The following LHFPL2 variants were observed in gnomAD, a reference collection of about 807,000 sequenced individuals.
LHFPL2 encodes LHFPL tetraspan subfamily member 2.
In LHFPL2, 7 loss-of-function variants were observed where a neutral mutation model predicts 17.5. The observed-to-expected ratio is 0.40, with a 90% CI of 0.23 to 0.75. LHFPL2 has a LOEUF of 0.75. Ranked by LOEUF, LHFPL2 falls within the 30% of genes least tolerant of loss-of-function variation. The pLI, the probability that LHFPL2 is intolerant of heterozygous loss-of-function variation, is 0.37. For missense variants in LHFPL2, 241 were observed against 294.8 expected, an observed-to-expected ratio of 0.82 and a Z score of 1.34; for synonymous variants, 134 against 116.2, an observed-to-expected ratio of 1.15 and a Z score of -0.99.
At chr5:78,519,193 A>T (rs1478103316) in intron 3 of LHFPL2, among the ~76,000 whole-genome samples, 1 of 152,156 alleles carries the variant, frequency 6.6e-6, no homozygotes, top group Non-Finnish European at 1.5e-5. Flanking sequence ...GCCTGGGGGA[A>T]TCCACAGAAG....
intron 4 of LHFPL2, among the ~76,000 whole-genome samples, chr5:78,496,811 G>GT (rs1301117155): frequency 6.6e-6 from 1 of 152,190 alleles, no homozygotes; most frequent in East Asian, 1.9e-4. Context: ...TTCCTTCTTG[G>GT]TGTTCTTTGC....
At chr5:78,600,066 G>A (rs1489360549) in intron 2 of LHFPL2, among the ~76,000 whole-genome samples, 1 of 151,966 alleles carries the variant, frequency 6.6e-6, no homozygotes, top group African/African-American at 2.4e-5. Flanking sequence ...AAGAAAGCCG[G>A]GGAGATCAAA....
chr5:78,504,831 C>T (rs536881448), intron 4 of LHFPL2, among the ~76,000 whole-genome samples: 1 of 152,244 alleles, frequency 6.6e-6, no homozygotes, highest in Non-Finnish European at 1.5e-5. Flanking sequence ...CAGGGTTCAG[C>T]CCCAGGGCAA....
At chr5:78,596,813 A>G (rs1046948488) in intron 2 of LHFPL2, among the ~76,000 whole-genome samples, 1 of 125,016 alleles carries the variant, frequency 8.0e-6, no homozygotes, top group Non-Finnish European at 1.9e-5. Flanking sequence ...TCCAGAAAAT[A>G]CAAATCTTCC....
At chr5:78,582,087 T>C (rs1211861134) in intron 2 of LHFPL2, among the ~76,000 whole-genome samples, 4 of 152,264 alleles carry the variant, frequency 2.6e-5, no homozygotes, top group Non-Finnish European at 5.9e-5. Context: ...TAGAGATGTT[T>C]GTAGTATTCT....
intron 4 of LHFPL2, among the ~76,000 whole-genome samples, chr5:78,496,950 G>C (rs1394240337): frequency 1.3e-5 from 2 of 152,130 alleles, no homozygotes; most frequent in Non-Finnish European, 2.9e-5. Flanking sequence ...CCCAAGCTGA[G>C]TTTTCATTTC....
rs188097893 is a variant in LHFPL2 at position 78,628,908 on chromosome 5, A to G, written c.-245+3356T>C. Among the ~76,000 whole-genome samples the G allele has an allele frequency of 2.1e-3, 321 of 152,356 alleles. 2 individuals are homozygous for G. The highest frequency in any genetic ancestry group is 1.6e-3 in the Non-Finnish European group (107 of 68,028). On this transcript the variant is annotated intron_variant, in intron 2 of 4. Transcript: ENST00000380345. Reference sequence around the variant, plus strand: ...ATAAAGTCAGGAAAGATAAGCATCAATGGAGGAGGTCTGAAGGGAGCCAAC... The same window carrying G: ...ATAAAGTCAGGAAAGATAAGCATCAGTGGAGGAGGTCTGAAGGGAGCCAAC...
At chr5:78,569,894 T>TAG (rs1232378742) in intron 2 of LHFPL2, among the ~76,000 whole-genome samples, 1 of 152,206 alleles carries the variant, frequency 6.6e-6, no homozygotes, top group African/African-American at 2.4e-5. Flanking sequence ...GTAAAGCTGT[T>TAG]AGAGAGTATG....
At chr5:78,540,800 G>C (rs1343399200) in intron 3 of LHFPL2, among the ~76,000 whole-genome samples, 1 of 152,208 alleles carries the variant, frequency 6.6e-6, no homozygotes, top group Non-Finnish European at 1.5e-5. Context: ...TCTGGGGCTG[G>C]TTTGGAATGA....
At chr5:78,567,691 A>G (rs749150224) in intron 2 of LHFPL2, among the ~76,000 whole-genome samples, 22 of 152,218 alleles carry the variant, frequency 1.4e-4, no homozygotes, top group Non-Finnish European at 2.5e-4. Context: ...AGGCAAAAAG[A>G]AACTTAACCT....
At chr5:78,626,868 G>A (rs1437725872) in intron 2 of LHFPL2, among the ~76,000 whole-genome samples, 7 of 151,766 alleles carry the variant, frequency 4.6e-5, no homozygotes, top group South Asian at 2.1e-4. Flanking sequence ...ATCACCCGAC[G>A]TCAGGAGTTC....
intron 3 of LHFPL2, among the ~76,000 whole-genome samples, chr5:78,543,889 G>A (rs1456078187): frequency 1.3e-5 from 2 of 152,218 alleles, no homozygotes; most frequent in Non-Finnish European, 2.9e-5. Flanking sequence ...GAGGTGGAGG[G>A]GAGAGTCTGA....
chr5:78,500,020 A>G (rs2362832), intron 4 of LHFPL2, among the ~76,000 whole-genome samples: 120,225 of 150,496 alleles, frequency 0.8, 48,444 homozygotes, highest in East Asian at 0.92. Context: ...CACTGGACCA[A>G]AAGGAAAAAA....
intron 2 of LHFPL2, among the ~76,000 whole-genome samples, chr5:78,602,875 G>GGTTTTGTTTTGTTTTGTTTT (rs58986689): frequency 1.6e-4 from 24 of 149,932 alleles, no homozygotes; most frequent in Admixed American, 1.1e-3. Context: ...AATGAGGTAG[G>GGTTTTGTTTTGTTTTGTTTT]GTTTTGTTTT....
At chr5:78,498,578 A>G (rs1013682624) in intron 4 of LHFPL2, among the ~76,000 whole-genome samples, 1 of 152,136 alleles carries the variant, frequency 6.6e-6, no homozygotes, top group African/African-American at 2.4e-5. Flanking sequence ...TGCTTTGAGG[A>G]GGGCACATGT....
intron 3 of LHFPL2, among the ~76,000 whole-genome samples, chr5:78,516,855 A>G (rs1755307603): frequency 6.6e-6 from 1 of 152,164 alleles, no homozygotes; most frequent in Admixed American, 6.5e-5. Context: ...TCTCTGCATC[A>G]CACGCTAAAG....
At chr5:78,618,572 C>T (rs1744705967) in intron 2 of LHFPL2, among the ~76,000 whole-genome samples, 1 of 152,238 alleles carries the variant, frequency 6.6e-6, no homozygotes, top group African/African-American at 2.4e-5. Context: ...GGGAGTTGGA[C>T]TTACGAAGCG....
At chr5:78,519,963 C>A (rs536912309) in intron 3 of LHFPL2, among the ~76,000 whole-genome samples, 1 of 151,966 alleles carries the variant, frequency 6.6e-6, no homozygotes, top group East Asian at 1.9e-4. Context: ...ATGCTATAAA[C>A]CACGCTCTAG....
intron 4 of LHFPL2, among the ~76,000 whole-genome samples, chr5:78,495,613 G>C (rs1754580640): frequency 6.6e-6 from 1 of 152,174 alleles, no homozygotes; most frequent in Non-Finnish European, 1.5e-5. Context: ...GCAATCTGTG[G>C]AGAGGCCACC....
Sources: allele counts gnomAD v4.1 joint callset (sites outside exome capture counted in the v4.1 genomes callset), GRCh38; gene constraint gnomAD v4.1.1; transcripts MANE v1.5; gene names NCBI Gene and HGNC (gene_info 2026-07-23, HGNC 2026-07-21).